Variants in TJP1 observed in about 807,000 individuals in gnomAD.
TJP1 encodes tight junction protein ZO-1.
Under a neutral mutation model 194.2 loss-of-function variants are expected in TJP1, and 43 were observed. The ratio of observed to expected loss-of-function variants is 0.22; its 90% CI spans 0.17 to 0.29. TJP1 has a LOEUF of 0.29. Among genes scored for constraint, TJP1 ranks in the 10% least tolerant of loss-of-function variants. The pLI, the probability that TJP1 is intolerant of heterozygous loss-of-function variation, is 1.00. For missense variants in TJP1, 1,971 were observed against 2,185.7 expected (o/e 0.90, Z 1.96); for synonymous variants, 801 against 779.0 (o/e 1.03, Z -0.47).
At chr15:29,940,826 T>G (rs138012926) in intron 2 of TJP1, among the ~76,000 whole-genome samples, 1 of 152,248 alleles carries the variant, frequency 6.6e-6, no homozygotes, top group Non-Finnish European at 1.5e-5. Context: ...TCCTCTGGCC[T>G]GCTTGCCACC....
intron 10 of TJP1, among the ~76,000 whole-genome samples, chr15:29,740,177 A>G (rs747126658): frequency 4.6e-5 from 7 of 151,100 alleles, no homozygotes; most frequent in Non-Finnish European, 8.9e-5. Context: ...GGTTTTCACC[A>G]TGTTAGCCAG....
At chr15:29,879,561 C>A (rs1165279268) in intron 2 of TJP1, among the ~76,000 whole-genome samples, 1 of 152,128 alleles carries the variant, frequency 6.6e-6, no homozygotes, top group Non-Finnish European at 1.5e-5. Flanking sequence ...GGTTTTAAAG[C>A]TAAGTCTGGG....
intron 7 of TJP1, 88 bp downstream of exon 7, chr15:29,761,513 T>C: frequency 6.8e-7 from 1 of 1,476,676 alleles, no homozygotes; most frequent in South Asian, 1.4e-5. Context: ...GGTAGAAAAT[T>C]ATCATTTCAT....
At chr15:29,942,260 C>T (rs1028782646) in intron 2 of TJP1, among the ~76,000 whole-genome samples, 1 of 152,172 alleles carries the variant, frequency 6.6e-6, no homozygotes, top group African/African-American at 2.4e-5. Context: ...AAAAGAAACT[C>T]TGAAGAGATG....
At chr15:29,868,463 G>C (rs1041147496) in intron 2 of TJP1, among the ~76,000 whole-genome samples, 2 of 152,156 alleles carry the variant, frequency 1.3e-5, no homozygotes, top group East Asian at 3.8e-4. Flanking sequence ...CAGCGTTCTA[G>C]AGGCCAAGGC....
In TJP1 at chr15:29,772,839, A is replaced by G. The variant is rs2046779383; in HGVS notation, c.209+394T>C. ...GAGTACAGTGGTGCAATCATGGCTC[A>G]TTGCAGCCTCAGATTCTTAAGTTCA... On this transcript the variant is annotated intron_variant, in intron 3 of 27. Coordinates refer to ENST00000614355, the MANE Select transcript of TJP1 (RefSeq NM_001330239.4). Among the ~76,000 whole-genome samples the G allele has an allele frequency of 2.0e-5, 3 of 152,184 alleles. No homozygotes were observed. The South Asian group carries it at 6.2e-4, about 32-fold the overall frequency.
At chr15:29,911,487 G>A (rs1000395765) in intron 2 of TJP1, among the ~76,000 whole-genome samples, 2 of 152,192 alleles carry the variant, frequency 1.3e-5, no homozygotes, top group African/African-American at 4.8e-5. Context: ...GGGCTGTACA[G>A]GAAGCATGGC....
At position 29,782,005 on chromosome 15, in the gene TJP1, C is replaced by T. The variant is rs139345121; in HGVS notation, c.85-8648G>A. Among the ~76,000 whole-genome samples the T allele has an allele frequency of 3.9e-5, 6 of 152,126 alleles. No homozygotes were observed. In the East Asian group the frequency reaches 5.8e-4, roughly 15 times the overall value. ...GTAAGAGAAAGAAATAAAGGGCATC[C>T]GAATAGGAAGAGAGAAAGTTAAACT... On this transcript the variant is annotated intron_variant, in intron 2 of 27. Transcript: ENST00000614355.
intron 1 of TJP1, among the ~76,000 whole-genome samples, chr15:29,966,834 A>G (rs911119242): frequency 3.3e-5 from 5 of 152,110 alleles, no homozygotes; most frequent in Admixed American, 3.3e-4. Context: ...GCTGGTGCTG[A>G]TATTTCCCAT....
At chr15:29,711,265 G>C (rs1432319409) in intron 23 of TJP1, among the ~76,000 whole-genome samples, 1 of 152,138 alleles carries the variant, frequency 6.6e-6, no homozygotes, top group Non-Finnish European at 1.5e-5. Context: ...GAAATTTTGG[G>C]TATAGTTTAA....
chr15:29,947,061 C>T lies in TJP1; in HGVS notation c.306+9171G>A, dbSNP rs189750812. On this transcript the variant is annotated intron_variant, in intron 2 of 28. Coordinates refer to the TJP1 transcript ENST00000356107. ...AATATATTACTCACTTTCCTGCCTT[C>T]GTAAACTGAACACAATGTGGTCATT... 2.4e-3 allele frequency among the ~76,000 whole-genome samples: 372 copies of T among 152,244 alleles called. 2 individuals carry two copies. Among genetic ancestry groups the T allele is most frequent in the Non-Finnish European group, 1.9e-3 (128 of 68,024 alleles).
chr15:29,703,142 A>C (rs1457190791), intron 27 of TJP1, among the ~76,000 whole-genome samples: 3 of 152,214 alleles, frequency 2.0e-5, no homozygotes, highest in Non-Finnish European at 2.9e-5. Flanking sequence ...TCTGGTATAC[A>C]TACGTTGTAG....
In TJP1 at chr15:29,742,794, A is replaced by G. The variant is rs1205732595; in HGVS notation, c.1011-13T>C. The G allele has an allele frequency of 6.4e-7, 1 of 1,567,390 alleles. No individual in the cohort carries two copies. The highest frequency in any genetic ancestry group is 8.6e-7 in the Non-Finnish European group (1 of 1,162,420). On this transcript the variant is annotated splice_polypyrimidine_tract_variant and intron_variant, in intron 8 of 27. Coordinates refer to ENST00000614355, the MANE Select transcript of TJP1 (RefSeq NM_001330239.4). Reference sequence around the variant, plus strand: ...TCTACTCCGGAGACTGTGTGTCATTAAAATAAAAAATCAAGAGCATAAGAA... The same window carrying G: ...TCTACTCCGGAGACTGTGTGTCATTGAAATAAAAAATCAAGAGCATAAGAA...
chr15:29,765,885 T>C (rs369402704), intron 5 of TJP1, among the ~76,000 whole-genome samples: 173 of 152,006 alleles, frequency 1.1e-3, no homozygotes, highest in African/African-American at 4.0e-3. Context: ...GAGCCAGACC[T>C]TGTAACAACA....
In TJP1 at chr15:29,766,334, C is replaced by T. The variant is rs781078737; in HGVS notation, c.521G>A (p.Arg174Gln). 1.8e-5 allele frequency: 29 copies of T among 1,614,082 alleles called. No homozygotes were observed. Among genetic ancestry groups the T allele is most frequent in the African/African-American group, 1.5e-4 (11 of 74,928 alleles). ...ERSLSPRSDR[R>Q]SVASSQPAKP... Reference sequence around the variant, plus strand: ...AGCAGGCTGGCTGGAAGCCACTGACCGCCTGTCTGACCGCGGGGACAAGCT... The same window carrying T: ...AGCAGGCTGGCTGGAAGCCACTGACTGCCTGTCTGACCGCGGGGACAAGCT... Residue 174 changes from arginine (R) to glutamine (Q), a missense_variant, in exon 5 of 28, where the codon CGG (arginine) becomes CAG (glutamine). By Grantham distance (43) the Arg-to-Gln change is conservative. Coordinates refer to ENST00000614355, the MANE Select transcript of TJP1 (RefSeq NM_001330239.4).
intron 2 of TJP1, among the ~76,000 whole-genome samples, chr15:29,850,278 A>G (rs1217804840): frequency 1.2e-4 from 18 of 152,270 alleles, no homozygotes. Flanking sequence ...CTAGAGTCCT[A>G]TTTATTGTGA....
chr15:29,791,348 A>G (rs188517232), intron 2 of TJP1, among the ~76,000 whole-genome samples: 6 of 150,214 alleles, frequency 4.0e-5, no homozygotes, highest in African/African-American at 1.5e-4. Context: ...ATATATACTC[A>G]GCAGTGGAAA....
chr15:29,799,659 C>A (rs2048652495), intron 2 of TJP1, among the ~76,000 whole-genome samples: 1 of 152,148 alleles, frequency 6.6e-6, no homozygotes, highest in East Asian at 1.9e-4. Context: ...TCGTGATCTG[C>A]CTGCCTCAGC....
chr15:29,968,771 G>A (rs1276120282), exon 1 of TJP1: 2 of 1,222,350 alleles, frequency 1.6e-6, no homozygotes, highest in South Asian at 1.3e-5. Context: ...TCTTGTCCCC[G>A]CTCCGCTCGC....
Sources: allele counts gnomAD v4.1 joint callset (sites outside exome capture counted in the v4.1 genomes callset), GRCh38; gene constraint gnomAD v4.1.1; transcripts MANE v1.5; gene names NCBI Gene and HGNC (gene_info 2026-07-23, HGNC 2026-07-21).